The following UST variants were observed in gnomAD, a reference collection of about 807,000 sequenced individuals.
UST encodes uronyl 2-sulfotransferase.
In UST, 21 loss-of-function variants were observed where a neutral mutation model predicts 45.6. The ratio of observed to expected loss-of-function variants is 0.46; its 90% CI spans 0.33 to 0.66. The LOEUF is 0.66. Among genes scored for constraint, UST ranks in the 30% least tolerant of loss-of-function variants. UST has a pLI of 0.02. For synonymous variants in UST, 215 were observed against 200.6 expected (o/e 1.07, Z -0.61); for missense variants, 463 against 512.4 (o/e 0.90, Z 0.93).
intron 7 of UST, among the ~76,000 whole-genome samples, chr6:149,030,360 G>A (rs954353708): frequency 6.6e-6 from 1 of 151,938 alleles, no homozygotes; most frequent in Non-Finnish European, 1.5e-5. Flanking sequence ...ATAAAATCTA[G>A]GCTGGGCACT....
At chr6:148,870,729 A>C (rs1349312657) in intron 1 of UST, among the ~76,000 whole-genome samples, 2 of 152,116 alleles carry the variant, frequency 1.3e-5, no homozygotes, top group East Asian at 3.9e-4. Context: ...TTCCCTCCTG[A>C]CCTGGGGCCC....
chr6:149,066,946 A>G (rs979929781), intron 7 of UST, among the ~76,000 whole-genome samples: 6 of 152,084 alleles, frequency 3.9e-5, no homozygotes, highest in African/African-American at 1.4e-4. Flanking sequence ...ATAAAATGCT[A>G]CACAGGAGAA....
chr6:149,038,322 T>C (rs1182199349), intron 7 of UST, among the ~76,000 whole-genome samples: 1 of 148,192 alleles, frequency 6.7e-6, no homozygotes, highest in Non-Finnish European at 1.5e-5. Context: ...GTAATCAAGT[T>C]AAGATGAGGT....
At chr6:148,909,101 A>G (rs1247062144) in intron 2 of UST, among the ~76,000 whole-genome samples, 1 of 151,322 alleles carries the variant, frequency 6.6e-6, no homozygotes, top group East Asian at 1.9e-4. Context: ...ATTATGCTAC[A>G]TTTCACTTTT....
At chr6:148,940,677 C>G (rs959774745) in intron 2 of UST, among the ~76,000 whole-genome samples, 1 of 152,098 alleles carries the variant, frequency 6.6e-6, no homozygotes, top group African/African-American at 2.4e-5. Flanking sequence ...CCACTCCTGA[C>G]CTGTTACTGT....
chr6:148,784,273 T>C (rs1776698071), intron 1 of UST, among the ~76,000 whole-genome samples: 2 of 152,252 alleles, frequency 1.3e-5, no homozygotes, highest in Non-Finnish European at 2.9e-5. Context: ...TGAAGTTTTC[T>C]CTCTGCTAAA....
chr6:148,781,015 C>T (rs2333862), intron 1 of UST, among the ~76,000 whole-genome samples: 113,489 of 151,898 alleles, frequency 0.75, 42,439 homozygotes, highest in Middle Eastern at 0.87. Flanking sequence ...CCCTGAGACA[C>T]AACAATATTG....
At chr6:149,062,816 T>C (rs913845417) in intron 7 of UST, among the ~76,000 whole-genome samples, 3 of 152,136 alleles carry the variant, frequency 2.0e-5, no homozygotes, top group Admixed American at 6.5e-5. Flanking sequence ...TTGGTATCTG[T>C]AAGTAAAATG....
At chr6:148,775,639 T>TGGG (rs141490949) in intron 1 of UST, among the ~76,000 whole-genome samples, 14,008 of 150,842 alleles carry the variant, frequency 0.093, 726 homozygotes, top group Non-Finnish European at 0.11. Flanking sequence ...TTTTTTTTTT[T>TGGG]GGGGCGGGGA....
chr6:148,921,843 T>C (rs962925014), intron 2 of UST, among the ~76,000 whole-genome samples: 140 of 152,238 alleles, frequency 9.2e-4, no homozygotes, highest in African/African-American at 3.3e-3. Context: ...CTGTCCCCAC[T>C]GCCGCCACCC....
chr6:148,813,594 C>T (rs2114733387), intron 1 of UST, among the ~76,000 whole-genome samples: 1 of 152,244 alleles, frequency 6.6e-6, no homozygotes, highest in Admixed American at 6.5e-5. Flanking sequence ...GTTGGCCAAG[C>T]TGGTCTCAAA....
chr6:148,844,220 A>G (rs906067352), intron 1 of UST, among the ~76,000 whole-genome samples: 54 of 152,198 alleles, frequency 3.5e-4, no homozygotes, highest in Non-Finnish European at 4.7e-4. Flanking sequence ...CTAGACATTA[A>G]ACTAAATACT....
intron 7 of UST, among the ~76,000 whole-genome samples, chr6:149,061,902 A>C (rs1776660246): frequency 6.6e-6 from 1 of 152,254 alleles, no homozygotes; most frequent in African/African-American, 2.4e-5. Flanking sequence ...GCTAATGGAG[A>C]AACATCACTA....
intron 2 of UST, among the ~76,000 whole-genome samples, chr6:148,915,331 T>G (rs1779566330): frequency 6.6e-6 from 1 of 152,190 alleles, no homozygotes; most frequent in Admixed American, 6.5e-5. Flanking sequence ...ACCATATTTT[T>G]GCGTGTATGT....
chr6:148,778,511 T>C (rs985769128), intron 1 of UST, among the ~76,000 whole-genome samples: 1 of 152,222 alleles, frequency 6.6e-6, no homozygotes, highest in Non-Finnish European at 1.5e-5. Context: ...GTGCCCTTCC[T>C]GAGGCGAACA....
chr6:148,924,701 A>C (rs1291741152), intron 2 of UST, among the ~76,000 whole-genome samples: 1 of 152,076 alleles, frequency 6.6e-6, no homozygotes, highest in African/African-American at 2.4e-5. Context: ...CCAGGAACAC[A>C]TTTCTTGGTA....
At chr6:148,935,465 T>G (rs1402610809) in intron 2 of UST, among the ~76,000 whole-genome samples, 2 of 152,178 alleles carry the variant, frequency 1.3e-5, no homozygotes, top group East Asian at 3.8e-4. Flanking sequence ...ATAGGAACAT[T>G]AAAGTAGAGG....
At chr6:149,053,244 A>G (rs780549983) in intron 7 of UST, among the ~76,000 whole-genome samples, 1 of 152,218 alleles carries the variant, frequency 6.6e-6, no homozygotes, top group Non-Finnish European at 1.5e-5. Context: ...GTTTATTGAA[A>G]TATGTAGTCT....
intron 2 of UST, among the ~76,000 whole-genome samples, chr6:148,913,038 C>T (rs9404001): frequency 0.11 from 16,996 of 152,234 alleles, 1,416 homozygotes; most frequent in East Asian, 0.41. Context: ...TTTCTCACTT[C>T]ACACAGCAAA....
Sources: allele counts gnomAD v4.1 joint callset (sites outside exome capture counted in the v4.1 genomes callset), GRCh38; gene constraint gnomAD v4.1.1; transcripts MANE v1.5; gene names NCBI Gene and HGNC (gene_info 2026-07-23, HGNC 2026-07-21).